Variants in PARD3 observed in about 807,000 individuals in gnomAD.
The protein encoded by PARD3 is partitioning defective 3 homolog.
Under a neutral mutation model 155.4 loss-of-function variants are expected in PARD3, and 75 were observed. The ratio of observed to expected loss-of-function variants is 0.48; its 90% CI spans 0.40 to 0.58. The LOEUF is 0.58. Among genes scored for constraint, PARD3 ranks in the 20% least tolerant of loss-of-function variants. The pLI, the probability that PARD3 is intolerant of heterozygous loss-of-function variation, is 0.00. For missense variants in PARD3, 1,642 were observed against 1,721.7 expected, an observed-to-expected ratio of 0.95 and a Z score of 0.82; for synonymous variants, 576 against 610.5, an observed-to-expected ratio of 0.94 and a Z score of 0.83.
chr10:34,172,626 A>G (rs1949848639), intron 22 of PARD3, among the ~76,000 whole-genome samples: 1 of 151,892 alleles, frequency 6.6e-6, no homozygotes, highest in Admixed American at 6.6e-5. Context: ...AGTAGCAAGG[A>G]CTCAGATCCC....
chr10:34,353,182 C>T (rs1043437704), intron 14 of PARD3, among the ~76,000 whole-genome samples: 3 of 151,528 alleles, frequency 2.0e-5, no homozygotes, highest in African/African-American at 2.4e-5. Context: ...AGGTGGGGGG[C>T]GCGTCTGCCT....
chr10:34,500,903 A>C (rs1030366830), intron 3 of PARD3, among the ~76,000 whole-genome samples: 1 of 152,210 alleles, frequency 6.6e-6, no homozygotes, highest in African/African-American at 2.4e-5. Context: ...AACATGCACA[A>C]TATTCACAAC....
chr10:34,356,880 T>C (rs1480025010), intron 14 of PARD3, among the ~76,000 whole-genome samples: 6 of 152,232 alleles, frequency 3.9e-5, no homozygotes, highest in Non-Finnish European at 8.8e-5. Flanking sequence ...TAAGATTTTT[T>C]GATATAATTG....
At chr10:34,701,444 G>A (rs2094277297) in intron 1 of PARD3, among the ~76,000 whole-genome samples, 1 of 152,004 alleles carries the variant, frequency 6.6e-6, no homozygotes, top group African/African-American at 2.4e-5. Flanking sequence ...TTTGGAAGCT[G>A]AGAAGCAGAT....
chr10:34,126,818 G>GAAAAAAAAAA (rs550942430), intron 23 of PARD3, among the ~76,000 whole-genome samples: 3 of 73,380 alleles, frequency 4.1e-5, no homozygotes, highest in African/African-American at 1.4e-4. Flanking sequence ...TCTTGAAAAT[G>GAAAAAAAAAA]AAAAAAAAAA....
intron 2 of PARD3, 69 bp downstream of exon 2, chr10:34,696,249 C>G (rs1490221387): frequency 1.2e-6 from 1 of 801,012 alleles, no homozygotes; most frequent in Non-Finnish European, 2.1e-6. Context: ...GGAAAAGAAT[C>G]GCACCCGCTC....
At chr10:34,540,177 G>A (rs1419188494) in intron 2 of PARD3, among the ~76,000 whole-genome samples, 2 of 152,088 alleles carry the variant, frequency 1.3e-5, no homozygotes, top group Non-Finnish European at 2.9e-5. Context: ...TACAGGTTAT[G>A]CTGTCAAACA....
At chr10:34,269,521 T>A in intron 22 of PARD3, 136 bp downstream of exon 22, 5 of 907,326 alleles carry the variant, frequency 5.5e-6, no homozygotes, top group Admixed American at 2.6e-5. Flanking sequence ...CTCAATACTT[T>A]TAGACACAAC....
At chr10:34,469,071 GT>G (rs2078185008) in intron 4 of PARD3, among the ~76,000 whole-genome samples, 1 of 152,160 alleles carries the variant, frequency 6.6e-6, no homozygotes, top group African/African-American at 2.4e-5. Context: ...GGTGAGAAGC[GT>G]GACAAAAAGG....
At chr10:34,449,419 T>TAA (rs567564128) in intron 5 of PARD3, among the ~76,000 whole-genome samples, 1 of 108,520 alleles carries the variant, frequency 9.2e-6, no homozygotes, top group Middle Eastern at 6.8e-3. Flanking sequence ...ACTGAAGCAT[T>TAA]AAAAAAAAAA....
intron 24 of PARD3, among the ~76,000 whole-genome samples, chr10:34,115,867 C>A (rs1372583107): frequency 6.6e-6 from 1 of 152,024 alleles, no homozygotes; most frequent in East Asian, 1.9e-4. Context: ...CGCCCACCAC[C>A]AAGCCTGGCT....
At chr10:34,585,269 C>A (rs1055294245) in intron 2 of PARD3, among the ~76,000 whole-genome samples, 1 of 152,130 alleles carries the variant, frequency 6.6e-6, no homozygotes, top group African/African-American at 2.4e-5. Context: ...ACATCTATAG[C>A]CTTTTTAAAA....
chr10:34,623,393 T>C (rs2091806938), intron 2 of PARD3, among the ~76,000 whole-genome samples: 1 of 152,220 alleles, frequency 6.6e-6, no homozygotes, highest in Non-Finnish European at 1.5e-5. Flanking sequence ...TACGAATCTT[T>C]GAATAGGCCC....
chr10:34,412,596 T>A (rs1236124462), intron 5 of PARD3, among the ~76,000 whole-genome samples: 1 of 152,216 alleles, frequency 6.6e-6, no homozygotes, highest in Non-Finnish European at 1.5e-5. Flanking sequence ...TACTAAAATA[T>A]CTTGAATCCG....
chr10:34,227,198 A>G (rs1952642835), intron 22 of PARD3, among the ~76,000 whole-genome samples: 1 of 152,230 alleles, frequency 6.6e-6, no homozygotes, highest in Non-Finnish European at 1.5e-5. Context: ...AGAAATGGGC[A>G]AAGGACATGA....
At chr10:34,511,418 A>T (rs2081391744) in intron 3 of PARD3, among the ~76,000 whole-genome samples, 1 of 152,190 alleles carries the variant, frequency 6.6e-6, no homozygotes, top group Non-Finnish European at 1.5e-5. Flanking sequence ...AAGAACAGAA[A>T]TGTACTCTCT....
intron 2 of PARD3, among the ~76,000 whole-genome samples, chr10:34,561,793 C>T (rs1461092121): frequency 6.6e-6 from 1 of 151,430 alleles, no homozygotes; most frequent in Non-Finnish European, 1.5e-5. Flanking sequence ...GCTGGGATTA[C>T]AGGCATGAGC....
intron 1 of PARD3, among the ~76,000 whole-genome samples, chr10:34,783,992 G>A (rs1281753361): frequency 6.6e-6 from 1 of 152,104 alleles, no homozygotes; most frequent in Non-Finnish European, 1.5e-5. Context: ...AGAATCATTT[G>A]AGTCCAAGAG....
At chr10:34,145,747 A>T (rs1948476109) in intron 22 of PARD3, among the ~76,000 whole-genome samples, 1 of 152,180 alleles carries the variant, frequency 6.6e-6, no homozygotes, top group Non-Finnish European at 1.5e-5. Flanking sequence ...CCAAGTTCTT[A>T]AAGAAAACAA....
Sources: gnomAD v4.1 joint callset for allele counts (sites outside exome capture counted in the v4.1 genomes callset) on GRCh38, gnomAD v4.1.1 for gene constraint, MANE v1.5 for transcripts, NCBI Gene and HGNC (gene_info 2026-07-23, HGNC 2026-07-21) for gene names.